The following ZNF467 variants were observed in gnomAD, a reference collection of about 807,000 sequenced individuals.
The protein encoded by ZNF467 is zinc finger protein 467.
ZNF467 carries 51 observed loss-of-function variants against 47.8 expected under a neutral mutation model. The observed-to-expected ratio is 1.07, with a 90% confidence interval of 0.85 to 1.35. The LOEUF is 1.35. ZNF467 is among the 40% of genes most tolerant of loss of function. ZNF467 has a pLI of 0.00. For synonymous variants in ZNF467, 416 were observed against 372.9 expected, an observed-to-expected ratio of 1.12 and a Z score of -1.33; for missense variants, 992 against 858.1, an observed-to-expected ratio of 1.16 and a Z score of -1.95.
chr7:149,770,349 AGGGG>A, intron 3 of ZNF467, 87 bp downstream of exon 3: 2 of 591,686 alleles, frequency 3.4e-6, no homozygotes, highest in Non-Finnish European at 5.3e-6. Context: ...GGAGGGAGGG[AGGGG>A]GGAGGGAAGA....
intron 4 of ZNF467, 112 bp downstream of exon 4, chr7:149,768,978 G>C (rs1455958042): frequency 1.1e-6 from 1 of 926,908 alleles, no homozygotes; most frequent in African/African-American, 1.7e-5. Context: ...GAAGGGCCTG[G>C]ACTGCCTGTC....
chr7:149,769,218 A>G lies in ZNF467; in HGVS notation c.152-18T>C. On this transcript the variant is annotated intron_variant, in intron 3 of 4. Transcript: ENST00000302017. The surrounding 1 kb of genome is among the most constrained non-coding windows in gnomAD (Gnocchi z 5.3). ...CTCGTGCCCTGGCAGAGAATAGGAT[A>G]CCTCAAGGACTCTGGAGACATCACA... 6.5e-7 allele frequency: 1 copy of G among 1,543,246 alleles called. No individual in the cohort carries two copies. The highest frequency in any genetic ancestry group is 8.7e-7 in the Non-Finnish European group (1 of 1,142,874).
chr7:149,766,292 AT>A, intron 4 of ZNF467, 53 bp from the exon 5 acceptor site: 6 of 1,508,906 alleles, frequency 4.0e-6, no homozygotes, highest in Non-Finnish European at 4.4e-6. Context: ...GGCAACGTCT[AT>A]TTAACCACAG....
chr7:149,764,291 T>A lies in ZNF467; in HGVS notation c.*423A>T, dbSNP rs1353092772. 2.1e-6 allele frequency: 1 copy of A among 478,350 alleles called. No individual in the cohort carries two copies. The highest frequency in any genetic ancestry group is 3.7e-6 in the Non-Finnish European group (1 of 272,552). 29.6% of individuals were successfully genotyped at this position (478,350 alleles called of 1,614,324 possible). On this transcript the variant is annotated 3_prime_UTR_variant, in exon 5 of 5. Coordinates refer to ENST00000302017, the MANE Select transcript of ZNF467 (RefSeq NM_207336.3). ...GAAGTGGAGGGGGGTGGTCTGTGTG[T>A]GGATGGAGGTGGGACAGTGGCTAAG...
rs770172696 is a variant in ZNF467, at chr7:149,766,242, G to C, written c.263-3C>G. ...CTTCCGAATCATCCACTCCTCTCCT[G>C]GAAAGTCAAAACAAGAATTGTCTAT... On this transcript the variant is annotated splice_region_variant and splice_polypyrimidine_tract_variant and intron_variant, in intron 4 of 4. Coordinates refer to ENST00000302017, the MANE Select transcript of ZNF467 (RefSeq NM_207336.3). 6.6e-7 allele frequency: 1 copy of C among 1,514,048 alleles called. No individual in the cohort carries two copies. Among genetic ancestry groups the C allele is most frequent in the South Asian group, 1.3e-5 (1 of 75,452 alleles). 93.8% of individuals were successfully genotyped at this position (1,514,048 alleles called of 1,614,324 possible).
Position 149,770,575 on chromosome 7 carries a change from T to A in ZNF467, c.35-19A>T. On this transcript the variant is annotated intron_variant, in intron 2 of 4. Transcript: ENST00000302017. ...GAGAATCCTGTTACAGGCAGAAGGATGGGTCCAAGTAAAGCATCCAGTACA... is the reference window on the plus strand; with the variant it reads ...GAGAATCCTGTTACAGGCAGAAGGAAGGGTCCAAGTAAAGCATCCAGTACA... The A allele has an allele frequency of 6.3e-7, 1 of 1,599,400 alleles. No individual in the cohort carries two copies.
chr7:149,767,090 G>C (rs939702761), intron 4 of ZNF467, among the ~76,000 whole-genome samples: 1 of 152,254 alleles, frequency 6.6e-6, no homozygotes, highest in Admixed American at 6.5e-5. Context: ...CCGGGGTCCA[G>C]ACGGGAGGGT....
chr7:149,766,331 C>A, intron 4 of ZNF467, 92 bp from the exon 5 acceptor site: 1 of 1,489,716 alleles, frequency 6.7e-7, no homozygotes, highest in South Asian at 1.4e-5. Context: ...GCCCCGCGGT[C>A]TGGCTCTGCT....
Position 149,765,266 on chromosome 7 carries a change from G to A in ZNF467, c.1236C>T (p.Cys412=), listed in dbSNP as rs1223615323. Residue 412 remains cysteine (C), a synonymous_variant, in exon 5 of 5, where the codon TGC becomes TGT. Coordinates refer to ENST00000302017, the MANE Select transcript of ZNF467 (RefSeq NM_207336.3). ...GCACCACGGGATCGGATCCTGGGCC[G>A]CAGCCCGGTCCGCCAGGCGCGCTGG... ...PLASAPGGPG[C]GPGSDPVVPQ... 6.8e-7 allele frequency: 1 copy of A among 1,462,388 alleles called. No homozygotes were observed. The highest frequency in any genetic ancestry group is 1.4e-5 in the African/African-American group (1 of 70,332). The allele number at this position is 1,462,388 out of a possible 1,614,324, so 90.6% of individuals were successfully genotyped here. A position where few individuals can be genotyped will look rare whatever the true frequency, so the allele number is the denominator to read the frequency against.
Position 149,766,043 on chromosome 7 carries a change from AC to A in ZNF467, c.458del (p.Gly153ValfsTer21). 6.2e-7 allele frequency: 1 copy of A among 1,600,276 alleles called. No individual in the cohort carries two copies. Among genetic ancestry groups the A allele is most frequent in the South Asian group, 1.1e-5 (1 of 89,514 alleles). ...AGCCGTAGGGCTTCTCCGGCATCGG[AC>A]CCCACCCAGACAGCGCGAGCCCACT... Reference protein sequence around the residue: ...ALSGLALSGWGPMPEKPYGCG... With the variant: ...ALSGLALSGWXPMPEKPYGCG... On this transcript the variant is annotated frameshift_variant, in exon 5 of 5. Coordinates refer to ENST00000302017, the MANE Select transcript of ZNF467 (RefSeq NM_207336.3). LOFTEE classifies it high-confidence loss of function.
At position 149,765,553 on chromosome 7, in the gene ZNF467, G is replaced by A. The variant is rs61742446; in HGVS notation, c.949C>T (p.Arg317Trp). Residue 317 changes from arginine (R) to tryptophan (W), a missense_variant, in exon 5 of 5, where the codon CGG becomes TGG. By Grantham distance (101) the Arg-to-Trp change is moderately radical. Transcript: ENST00000302017. Reference sequence around the variant, plus strand: ...GCCGTCTGGTGCACCCTTTGGTGCCGCACCAAGTGCTGCTTGTGCGTGAAG... The same window carrying A: ...GCCGTCTGGTGCACCCTTTGGTGCCACACCAAGTGCTGCTTGTGCGTGAAG... The part of the protein sequence containing the change: ...RSFTHKQHLV[R>W]HQRVHQTAGP... 1.3e-6 allele frequency: 2 copies of A among 1,582,908 alleles called. No homozygotes were observed. Among genetic ancestry groups the A allele is most frequent in the Non-Finnish European group, 1.7e-6 (2 of 1,164,518 alleles).
At chr7:149,775,091 C>T (rs1300213318), upstream of ZNF467, among the ~76,000 whole-genome samples, 1 of 152,168 alleles carries the variant, frequency 6.6e-6, no homozygotes, top group African/African-American at 2.4e-5. Context: ...GCCGGATTCT[C>T]GGATTATTTC....
intron 1 of ZNF467, among the ~76,000 whole-genome samples, chr7:149,771,924 C>T (rs1290305962): frequency 6.6e-6 from 1 of 150,840 alleles, no homozygotes; most frequent in Non-Finnish European, 1.5e-5. Flanking sequence ...GCTGCCACCG[C>T]CTCCCCTGAC....
chr7:149,764,713 C>A lies in ZNF467; in HGVS notation c.*1G>T. The A allele has an allele frequency of 6.3e-7, 1 of 1,575,150 alleles. No individual in the cohort carries two copies. Reference sequence around the variant, plus strand: ...AGAAAGGGTCCTCGTGAGAACTAGGCTCAGAAGAAGAGCGGGGGCGGCGCC... The same window carrying A: ...AGAAAGGGTCCTCGTGAGAACTAGGATCAGAAGAAGAGCGGGGGCGGCGCC... On this transcript the variant is annotated 3_prime_UTR_variant, in exon 5 of 5. Transcript: ENST00000302017.
rs774964589 is a variant in ZNF467 at position 149,765,037 on chromosome 7, A to C, written c.1465T>G (p.Cys489Gly). ...CTGAAGCGGCGGCCGCACTGAGCGCAGGCGAAAGGCCTGGCGCCGCTGTGG... is the reference window on the plus strand; with the variant it reads ...CTGAAGCGGCGGCCGCACTGAGCGCCGGCGAAAGGCCTGGCGCCGCTGTGG... Reference protein sequence around the residue: ...RAHSGARPFACAQCGRRFSRK... With the variant: ...RAHSGARPFAGAQCGRRFSRK... The change falls in exon 5 of 5, where the codon TGC becomes GGC. Residue 489 changes from cysteine to glycine, a missense_variant. Physicochemically the swap from Cys to Gly is radical, Grantham distance 159. Coordinates refer to ENST00000302017, the MANE Select transcript of ZNF467 (RefSeq NM_207336.3). 2.4e-3 allele frequency: 3,636 copies of C among 1,540,122 alleles called. 4 individuals are homozygous for C. Among genetic ancestry groups the C allele is most frequent in the Non-Finnish European group, 2.9e-3 (3,335 of 1,149,268 alleles).
At chr7:149,776,141 A>G (rs1229643533), upstream of ZNF467, 2 of 1,316,030 alleles carry the variant, frequency 1.5e-6, no homozygotes, top group Non-Finnish European at 2.0e-6. Context: ...CTTCTGCCGC[A>G]TGCCCAGGGA....
chr7:149,775,656 G>A (rs980838658), upstream of ZNF467, among the ~76,000 whole-genome samples: 8 of 152,064 alleles, frequency 5.3e-5, no homozygotes, highest in Non-Finnish European at 1.0e-4. Flanking sequence ...AATGGAGGGT[G>A]GCTTGCCCAG....
upstream of ZNF467, chr7:149,775,904 C>A: frequency 1.7e-6 from 1 of 591,516 alleles, no homozygotes; most frequent in Non-Finnish European, 2.8e-6. Context: ...CCACAGCCCC[C>A]AGAACTGGCC....
chr7:149,769,281 G>A lies in ZNF467; in HGVS notation c.152-81C>T. On this transcript the variant is annotated intron_variant, in intron 3 of 4. Transcript: ENST00000302017. The surrounding 1 kb of genome is among the most constrained non-coding windows in gnomAD (Gnocchi z 5.3). ...GCCCCACTGGTGCTGGGAAGCAGGA[G>A]CATTTGAAACCCTGGCTCCAGCAGG... 1 of 1,293,648 alleles carries A rather than the reference G, an allele frequency of 7.7e-7. No individual in the cohort carries two copies. Among genetic ancestry groups the A allele is most frequent in the South Asian group, 1.5e-5 (1 of 67,364 alleles). 80.1% of individuals were successfully genotyped at this position (1,293,648 alleles called of 1,614,324 possible). A position where few individuals can be genotyped will look rare whatever the true frequency, so the allele number is the denominator to read the frequency against.
Sources: gnomAD v4.1 joint callset for allele counts (sites outside exome capture counted in the v4.1 genomes callset) on GRCh38, gnomAD v4.1.1 for gene constraint, Gnocchi (gnomAD v3.1) non-coding constraint, MANE v1.5 for transcripts, NCBI Gene and HGNC (gene_info 2026-07-23, HGNC 2026-07-21) for gene names.